The following INPP5F variants were observed in gnomAD, a reference collection of about 807,000 sequenced individuals.
INPP5F encodes inositol polyphosphate-5-phosphatase F, also known as phosphatidylinositide 4-phosphatase SAC2.
In INPP5F, 97 loss-of-function variants were observed where a neutral mutation model predicts 137.2. The observed-to-expected ratio is 0.71, with a 90% CI of 0.60 to 0.84. INPP5F has a LOEUF of 0.84. Among genes scored for constraint, INPP5F ranks in the 40% least tolerant of loss-of-function variants. INPP5F has a pLI of 0.00. For synonymous variants in INPP5F, 504 were observed against 476.9 expected (o/e 1.06, Z -0.74); for missense variants, 1,271 against 1,371.9 (o/e 0.93, Z 1.16).
intron 15 of INPP5F, chr10:119,816,202 A>C (rs1296153479): frequency 6.6e-6 from 1 of 152,382 alleles, no homozygotes; most frequent in East Asian, 1.9e-4. Context: ...GCACAGGAGG[A>C]GCTAGCTGGA....
chr10:119,726,205 C>G lies in INPP5F; in HGVS notation c.-58C>G. ...CGCGGGCTCTGGCGGCCTCGACCGA[C>G]TAGGACGCCCCGTGCGCCGCCCGCG... On this transcript the variant is annotated 5_prime_UTR_variant, in exon 1 of 20. Transcript: ENST00000650623. 1 of 1,175,072 alleles carries G rather than the reference C, an allele frequency of 8.5e-7. No homozygotes were observed. Among genetic ancestry groups the G allele is most frequent in the Non-Finnish European group, 1.1e-6 (1 of 891,586 alleles). The allele number at this position is 1,175,072 out of a possible 1,614,324, so 72.8% of individuals were successfully genotyped here.
intron 2 of INPP5F, among the ~76,000 whole-genome samples, chr10:119,770,901 A>G (rs1171918385): frequency 6.6e-6 from 1 of 152,112 alleles, no homozygotes; most frequent in East Asian, 1.9e-4. Context: ...TTTGTTCTTC[A>G]GAAGGAGATT....
At chr10:119,804,146 A>AT in intron 9 of INPP5F, 27 bp from the exon 10 acceptor site, 5 of 1,535,430 alleles carry the variant, frequency 3.3e-6, no homozygotes, top group African/African-American at 2.8e-5. Context: ...ATCTAACTAA[A>AT]TTTTTTCTGT....
intron 6 of INPP5F, among the ~76,000 whole-genome samples, chr10:119,793,008 T>C (rs1777700486): frequency 6.6e-6 from 1 of 152,148 alleles, no homozygotes; most frequent in Non-Finnish European, 1.5e-5. Flanking sequence ...CAATTGCCTC[T>C]ATGGAGAATG....
At chr10:119,806,607 C>T (rs1010045909) in intron 12 of INPP5F, 127 bp downstream of exon 12, 27 of 816,504 alleles carry the variant, frequency 3.3e-5, no homozygotes, top group Non-Finnish European at 4.2e-5. Context: ...ATACAAACAC[C>T]CTTGTTGCAT....
intron 2 of INPP5F, among the ~76,000 whole-genome samples, chr10:119,776,376 T>C (rs1849523140): frequency 6.6e-6 from 1 of 152,004 alleles, no homozygotes; most frequent in East Asian, 1.9e-4. Context: ...TATTTGAATG[T>C]GTAAGTTGAG....
intron 6 of INPP5F, among the ~76,000 whole-genome samples, chr10:119,793,340 A>G (rs1354665239): frequency 6.6e-6 from 1 of 152,166 alleles, no homozygotes; most frequent in African/African-American, 2.4e-5. Context: ...TAGATCCTTT[A>G]CCTCACTATT....
chr10:119,795,139 C>A (rs1589723724), intron 6 of INPP5F, among the ~76,000 whole-genome samples: 1 of 146,542 alleles, frequency 6.8e-6, no homozygotes, highest in South Asian at 2.2e-4. Flanking sequence ...CTGACCCCCC[C>A]ACCTCCCTCC....
intron 1 of INPP5F, among the ~76,000 whole-genome samples, chr10:119,746,276 A>G (rs1227613886): frequency 2.6e-5 from 4 of 151,978 alleles, no homozygotes; most frequent in Non-Finnish European, 5.9e-5. Context: ...CTGATGCGCC[A>G]CTTCTTCTAC....
chr10:119,797,291 T>C (rs1270232545), intron 7 of INPP5F, among the ~76,000 whole-genome samples, 170 bp from the exon 8 acceptor site: 2 of 152,188 alleles, frequency 1.3e-5, no homozygotes, highest in African/African-American at 4.8e-5. Flanking sequence ...TTAAAAACAA[T>C]GATGCATACA....
intron 2 of INPP5F, among the ~76,000 whole-genome samples, chr10:119,777,360 A>T (rs1433469958): frequency 6.6e-6 from 1 of 152,050 alleles, no homozygotes; most frequent in Admixed American, 6.5e-5. Flanking sequence ...TAACAACAAC[A>T]AAAAAACCCA....
At chr10:119,826,561 T>TA in intron 19 of INPP5F, 70 bp from the exon 20 acceptor site, 1 of 1,230,882 alleles carries the variant, frequency 8.1e-7, no homozygotes, top group Non-Finnish European at 1.1e-6. Context: ...TGTTTTCACT[T>TA]ATGTTAATAA....
At chr10:119,774,283 A>C (rs1460274989) in intron 2 of INPP5F, among the ~76,000 whole-genome samples, 30 of 139,300 alleles carry the variant, frequency 2.2e-4, no homozygotes, top group Non-Finnish European at 3.9e-4. Context: ...AAAAAAAAAA[A>C]CTCCCTAGAA....
rs559503344 is a variant in INPP5F at position 119,806,525 on chromosome 10, T to G, written c.1440+45T>G. The G allele has an allele frequency of 6.2e-6, 9 of 1,461,870 alleles. No homozygotes were observed. In the African/African-American group the frequency reaches 1.2e-4, roughly 19 times the overall value. The allele number at this position is 1,461,870 out of a possible 1,614,324, so 90.6% of individuals were successfully genotyped here. A position where few individuals can be genotyped will look rare whatever the true frequency, so the allele number is the denominator to read the frequency against. Reference sequence around the variant, plus strand: ...ATTGCAAATATTCATTTCGAAATGCTTTTTTTTTCCATGAGTAAGCAAATA... The same window carrying G: ...ATTGCAAATATTCATTTCGAAATGCGTTTTTTTTCCATGAGTAAGCAAATA... On this transcript the variant is annotated intron_variant, in intron 12 of 19. Coordinates refer to ENST00000650623, the MANE Select transcript of INPP5F (RefSeq NM_014937.4).
chr10:119,763,913 A>C (rs999216422), intron 2 of INPP5F, among the ~76,000 whole-genome samples: 13 of 152,200 alleles, frequency 8.5e-5, no homozygotes, highest in African/African-American at 3.1e-4. Flanking sequence ...ACATGCACAA[A>C]TTTCAACCAA....
chr10:119,801,193 A>G (rs1004635749), intron 9 of INPP5F, among the ~76,000 whole-genome samples: 2 of 152,246 alleles, frequency 1.3e-5, no homozygotes, highest in East Asian at 3.8e-4. Flanking sequence ...AGAATGAGGT[A>G]GATCCACGTG....
chr10:119,747,115 G>A (rs1031078655), intron 1 of INPP5F, among the ~76,000 whole-genome samples: 9 of 151,996 alleles, frequency 5.9e-5, no homozygotes, highest in African/African-American at 2.4e-5. Context: ...ATAATTAAGT[G>A]TTTAATCTTA....
rs761144165 is a variant in INPP5F at position 119,826,783 on chromosome 10, G to A, written c.2402G>A (p.Arg801Gln). 3.5e-5 allele frequency: 56 copies of A among 1,613,748 alleles called. No homozygotes were observed. In the East Asian group the frequency reaches 6.7e-4, roughly 19 times the overall value. ...TKSNVNIGNL[R>Q]KLGNFTKPEM... ...TCCAATGTAAATATTGGCAACCTCC[G>A]AAAGCTAGGAAACTTTACCAAACCT... is the stretch of plus-strand genomic sequence containing the variant. The change falls in exon 20 of 20, where the codon CGA becomes CAA. Residue 801 changes from arginine to glutamine, a missense_variant. Physicochemically the swap from Arg to Gln is conservative, Grantham distance 43. Coordinates refer to ENST00000650623, the MANE Select transcript of INPP5F (RefSeq NM_014937.4).
chr10:119,757,389 C>A (rs1848879897), intron 2 of INPP5F, among the ~76,000 whole-genome samples: 1 of 151,268 alleles, frequency 6.6e-6, no homozygotes, highest in South Asian at 2.1e-4. Flanking sequence ...ATATGAGGAA[C>A]AGAAAGTAGG....
Sources: allele counts gnomAD v4.1 joint callset (sites outside exome capture counted in the v4.1 genomes callset), GRCh38; gene constraint gnomAD v4.1.1; transcripts MANE v1.5; gene names NCBI Gene and HGNC (gene_info 2026-07-23, HGNC 2026-07-21).